ARAP1: variants seen among roughly 807,000 people sequenced by gnomAD.
ARAP1 encodes the protein ArfGAP with RhoGAP domain, ankyrin repeat and PH domain 1.
In ARAP1, 76 loss-of-function variants were observed where a neutral mutation model predicts 172.2. The observed-to-expected ratio is 0.44, with a 90% CI of 0.37 to 0.53. ARAP1 has a LOEUF of 0.53. Among genes scored for constraint, ARAP1 ranks in the 20% least tolerant of loss-of-function variants. The probability of loss-of-function intolerance (pLI) is 0.00; values close to 1 mark genes in which losing one functional copy is unlikely to be tolerated. For missense variants in ARAP1, 1,686 were observed against 1,977.5 expected, an observed-to-expected ratio of 0.85 and a Z score of 2.80; for synonymous variants, 804 against 803.3, an observed-to-expected ratio of 1.00 and a Z score of -0.01.
intron 3 of ARAP1, among the ~76,000 whole-genome samples, chr11:72,720,265 T>C (rs1444475269): frequency 6.6e-6 from 1 of 152,214 alleles, no homozygotes; most frequent in East Asian, 1.9e-4. Context: ...AATCATGCTC[T>C]GGACTCTCAG....
intron 8 of ARAP1, 123 bp from the exon 9 acceptor site, chr11:72,711,264 C>T: frequency 6.6e-7 from 1 of 1,507,542 alleles, no homozygotes; most frequent in Non-Finnish European, 9.0e-7. Flanking sequence ...CCTGTGCTGA[C>T]CCTGACTGCA....
intron 4 of ARAP1, 116 bp from the exon 5 acceptor site, chr11:72,713,359 CCTGGCTTT>C: frequency 1.1e-6 from 1 of 944,562 alleles, no homozygotes; most frequent in Admixed American, 2.4e-5. Context: ...CCCACCTCCC[CCTGGCTTT>C]CAAAAAAAGG....
chr11:72,750,258 G>C (rs1029997478), intron 1 of ARAP1, among the ~76,000 whole-genome samples: 1 of 152,166 alleles, frequency 6.6e-6, no homozygotes, highest in African/African-American at 2.4e-5. Flanking sequence ...AGTGAGGGGC[G>C]GGGGGCCAGG....
At chr11:72,742,257 C>G (rs970085748) in intron 1 of ARAP1, among the ~76,000 whole-genome samples, 2 of 152,186 alleles carry the variant, frequency 1.3e-5, no homozygotes, top group Non-Finnish European at 2.9e-5. Context: ...ACTTGCTCAC[C>G]TGATCCGGCC....
intron 3 of ARAP1, among the ~76,000 whole-genome samples, chr11:72,719,513 G>A (rs1041762127): frequency 2.0e-5 from 3 of 152,166 alleles, no homozygotes; most frequent in Non-Finnish European, 4.4e-5. Context: ...CAGGCTTACT[G>A]ATAATTCAGT....
rs567377449 is a variant in ARAP1 at position 72,741,640 on chromosome 11, T to A, written c.-127-9043A>T. On this transcript the variant is annotated intron_variant, in intron 1 of 34. Coordinates refer to ENST00000393609, the MANE Select transcript of ARAP1 (RefSeq NM_001040118.3). The surrounding 1 kb of genome is among the most constrained non-coding windows in gnomAD (Gnocchi z 4.5). ...AGCAGGAGGGGGACTCCGAACACCA[T>A]AAATGAGGCAGAAACAGGAAGAGAC... Among the ~76,000 whole-genome samples the A allele has an allele frequency of 6.6e-6, 1 of 152,098 alleles. No individual in the cohort carries two copies. The highest frequency in any genetic ancestry group is 1.9e-4 in the East Asian group (1 of 5,170).
rs1555013435 is a variant in ARAP1 at position 72,703,408 on chromosome 11, C to CGGGTGG, written c.1993-330_1993-329insCCACCC. The CGGGTGG allele has an allele frequency of 7.0e-5, 8 of 113,630 alleles. 1 individual carries two copies. The highest frequency in any genetic ancestry group is 2.9e-4 in the African/African-American group (8 of 27,450). The allele number at this position is 113,630 out of a possible 1,614,324, so 7.0% of individuals were successfully genotyped here. ...AGCTCCTTCTGCCTTGTGGAGGAGCCGGGGGGGGGGTGTGCTTTGTAGCTA... is the reference window on the plus strand; with the variant it reads ...AGCTCCTTCTGCCTTGTGGAGGAGCCGGGTGGGGGGGGGGGGTGTGCTTTGTAGCTA... On this transcript the variant is annotated intron_variant, in intron 14 of 34. Coordinates refer to ENST00000393609, the MANE Select transcript of ARAP1 (RefSeq NM_001040118.3).
At chr11:72,703,972 C>A in intron 14 of ARAP1, 180 bp downstream of exon 14, 1 of 773,020 alleles carries the variant, frequency 1.3e-6, no homozygotes, top group Non-Finnish European at 2.0e-6. Context: ...CTCCTCCCTG[C>A]ATGGCCAGAA....
chr11:72,713,340 AC>A, intron 4 of ARAP1, 97 bp from the exon 5 acceptor site: 1 of 1,137,052 alleles, frequency 8.8e-7, no homozygotes, highest in Non-Finnish European at 1.3e-6. Flanking sequence ...CCATGCCAAG[AC>A]CCCCATCCCC....
At chr11:72,749,263 C>T (rs943130640) in intron 1 of ARAP1, among the ~76,000 whole-genome samples, 1 of 152,126 alleles carries the variant, frequency 6.6e-6, no homozygotes, top group African/African-American at 2.4e-5. Context: ...GGGTCCTGAC[C>T]CTGTCTCTCT....
intron 2 of ARAP1, 35 bp downstream of exon 2, chr11:72,732,480 C>G (rs1857895926): frequency 6.6e-6 from 1 of 152,478 alleles, no homozygotes; most frequent in South Asian, 2.1e-4. Context: ...GTGCCACAGC[C>G]AGCCCTGTTC....
chr11:72,699,365 G>C lies in ARAP1; in HGVS notation c.2438+52C>G. ...GGGTCTATTTCCCTGTCTCCCCAGT[G>C]GGGGATTGTACCTTATAGCAACCAC... On this transcript the variant is annotated intron_variant, in intron 17 of 34. Transcript: ENST00000393609. The surrounding 1 kb of genome is among the most constrained non-coding windows in gnomAD (Gnocchi z 4.2). 1.9e-6 allele frequency: 3 copies of C among 1,609,346 alleles called. No individual in the cohort carries two copies. The South Asian group carries it at 3.3e-5, about 18-fold the overall frequency.
In ARAP1 at chr11:72,725,153, CCTCCACTGCCCG is replaced by C. The variant is rs1857647329; in HGVS notation, c.509+1455_509+1466del. Among the ~76,000 whole-genome samples, 1 of 152,172 alleles carries C rather than the reference CCTCCACTGCCCG, an allele frequency of 6.6e-6. No homozygotes were observed. Among genetic ancestry groups the C allele is most frequent in the African/African-American group, 2.4e-5 (1 of 41,446 alleles). On this transcript the variant is annotated intron_variant, in intron 3 of 34. Coordinates refer to ENST00000393609, the MANE Select transcript of ARAP1 (RefSeq NM_001040118.3). This position sits in a 1 kb window ranked among gnomAD's most constrained non-coding sequence, Gnocchi z 4.3. ...CCTGCCTCCCAAGCAGGAACCCAGGCCTCCACTGCCCGTCCGGGAGTCACAGGAAGGGCCTGA... is the reference window on the plus strand; with the variant it reads ...CCTGCCTCCCAAGCAGGAACCCAGGCTCCGGGAGTCACAGGAAGGGCCTGA...
rs545045803 is a variant in ARAP1 at position 72,726,827 on chromosome 11, G to A, written c.302C>T (p.Pro101Leu). The A allele has an allele frequency of 3.1e-5, 48 of 1,567,770 alleles. No homozygotes were observed. Among genetic ancestry groups the A allele is most frequent in the East Asian group, 1.2e-4 (5 of 42,246 alleles). ...CTCATCCTCTGTAGTGGTGGGCAGCGGCTCGGGTGGAGTGGCAGGCACAGG... is the reference window on the plus strand; with the variant it reads ...CTCATCCTCTGTAGTGGTGGGCAGCAGCTCGGGTGGAGTGGCAGGCACAGG... ...SPPVPATPPE[P>L]LPTTTEDEGL... The change falls in exon 3 of 35, where the codon CCG (proline) becomes CTG (leucine). Residue 101 changes from proline (P) to leucine (L), a missense_variant. Around this residue, in one of 5 missense-constraint regions of ARAP1, gnomAD observed 190 missense variants for 228.6 expected, o/e 0.83. Transcript: ENST00000393609. This position sits in a 1 kb window ranked among gnomAD's most constrained non-coding sequence, Gnocchi z 6.5.
chr11:72,707,458 G>A, intron 11 of ARAP1, 84 bp from the exon 12 acceptor site: 1 of 1,331,352 alleles, frequency 7.5e-7, no homozygotes, highest in South Asian at 1.4e-5. Flanking sequence ...AATGAAGTGG[G>A]GGACAAGGTG....
In ARAP1 at chr11:72,701,660, C is replaced by T. The variant is rs1380200797; in HGVS notation, c.2291G>A (p.Arg764Gln). 5.6e-6 allele frequency: 9 copies of T among 1,613,276 alleles called. No homozygotes were observed. The highest frequency in any genetic ancestry group is 1.7e-4 in the Middle Eastern group (1 of 6,026). Reference protein sequence around the residue: ...ASAGKLLQDRRAREEFSRRWC... With the variant: ...ASAGKLLQDRQAREEFSRRWC... ...GGGGTGGCACCCACCTTCCCGGGCC[C>T]GGCGGTCCTGTAGCAGCTTGCCGGC... Residue 764 changes from arginine to glutamine, a missense_variant, in exon 16 of 35, where the codon CGG becomes CAG. Physicochemically the swap from Arg to Gln is conservative, Grantham distance 43. Coordinates refer to ENST00000393609, the MANE Select transcript of ARAP1 (RefSeq NM_001040118.3).
intron 2 of ARAP1, among the ~76,000 whole-genome samples, chr11:72,731,608 G>A (rs1330627262): frequency 1.3e-5 from 2 of 152,152 alleles, no homozygotes. Flanking sequence ...ATTACTCAGG[G>A]TATTCCTTGA....
chr11:72,696,930 T>G, intron 22 of ARAP1, 53 bp downstream of exon 22: 1 of 1,546,060 alleles, frequency 6.5e-7, no homozygotes, highest in Non-Finnish European at 8.7e-7. Context: ...GGCGCAGGAG[T>G]CCGGAGGGAT....
At chr11:72,708,001 C>T (rs949451299) in intron 11 of ARAP1, among the ~76,000 whole-genome samples, 1 of 152,078 alleles carries the variant, frequency 6.6e-6, no homozygotes, top group Non-Finnish European at 1.5e-5. Flanking sequence ...CCCAACATAC[C>T]GAGACACCTG....
Sources: allele counts gnomAD v4.1 joint callset (sites outside exome capture counted in the v4.1 genomes callset), GRCh38; gene constraint gnomAD v4.1.1; regional missense constraint gnomAD v4.1.1; non-coding constraint Gnocchi (gnomAD v3.1); transcripts MANE v1.5; gene names NCBI Gene and HGNC (gene_info 2026-07-23, HGNC 2026-07-21).